Variants in GPR26 observed in about 807,000 individuals in gnomAD.
GPR26 encodes the protein G protein-coupled receptor 26.
In GPR26, 15 loss-of-function variants were observed where a neutral mutation model predicts 23.1. That is an observed-to-expected ratio of 0.65 (90% CI 0.43 to 1.00). The LOEUF is 1.00. GPR26 is among the 50% of genes least tolerant of loss of function. GPR26 has a pLI of 0.00. For synonymous variants in GPR26, 228 were observed against 222.1 expected (o/e 1.03, Z -0.24); for missense variants, 359 against 470.5 (o/e 0.76, Z 2.19).
chr10:123,687,903 T>C (rs965782120), intron 2 of GPR26, 26 bp from the exon 3 acceptor site: 2 of 1,511,870 alleles, frequency 1.3e-6, no homozygotes, highest in Non-Finnish European at 1.8e-6. Flanking sequence ...TATGTCCTCA[T>C]TAACAGCTTC....
intron 1 of GPR26, among the ~76,000 whole-genome samples, chr10:123,673,223 A>T (rs2133923516): frequency 6.6e-6 from 1 of 152,356 alleles, no homozygotes; most frequent in East Asian, 1.9e-4. Context: ...AGGAGGCTTC[A>T]GTCTAAACTA....
chr10:123,667,265 A>G (rs35783152), intron 1 of GPR26, among the ~76,000 whole-genome samples, 190 bp downstream of exon 1: 17 of 152,204 alleles, frequency 1.1e-4, no homozygotes, highest in African/African-American at 4.1e-4. Context: ...GCCACAAAAA[A>G]TGCGGGTGAG....
Position 123,675,046 on chromosome 10 carries a change from G to C in GPR26, c.782+115G>C. The C allele has an allele frequency of 1.1e-5, 7 of 655,286 alleles. No homozygotes were observed. In the South Asian group the frequency reaches 1.2e-4, roughly 12 times the overall value. The allele number at this position is 655,286 out of a possible 1,614,324, so 40.6% of individuals were successfully genotyped here. A position where few individuals can be genotyped will look rare whatever the true frequency, so the allele number is the denominator to read the frequency against. On this transcript the variant is annotated intron_variant, in intron 2 of 2. Coordinates refer to ENST00000284674, the MANE Select transcript of GPR26 (RefSeq NM_153442.4). ...CGTTCTTCTGCACGGTGTGTTGTGG[G>C]GGGCAAGAGTGAACTTGCCAGATTT...
Position 123,694,788 on chromosome 10 carries a change from G to A in GPR26, c.*6628G>A, listed in dbSNP as rs1845524913. Reference sequence around the variant, plus strand: ...GAAGAAGGAAGGAAGGAAGAAAGGAGAGAAAGGAGGAAGGAAAATGAATCT... The same window carrying A: ...GAAGAAGGAAGGAAGGAAGAAAGGAAAGAAAGGAGGAAGGAAAATGAATCT... On this transcript the variant is annotated 3_prime_UTR_variant, in exon 3 of 3. Transcript: ENST00000284674. Among the ~76,000 whole-genome samples the A allele has an allele frequency of 7.0e-6, 1 of 143,148 alleles. No homozygotes were observed. Among genetic ancestry groups the A allele is most frequent in the Admixed American group, 6.9e-5 (1 of 14,516 alleles). 93.9% of individuals were successfully genotyped at this position (143,148 alleles called of 152,430 possible).
Position 123,692,851 on chromosome 10 carries a change from T to C in GPR26, c.*4691T>C, listed in dbSNP as rs1401755443. 1.3e-5 allele frequency: 2 copies of C among 152,208 alleles called. No individual in the cohort carries two copies. Among genetic ancestry groups the C allele is most frequent in the South Asian group, 4.2e-4 (2 of 4,818 alleles). The allele number at this position is 152,208 out of a possible 1,614,324, so 9.4% of individuals were successfully genotyped here. Reference sequence around the variant, plus strand: ...CTCAAGGAGGGTGGACCAGTGACCATGGGGAAACTGAGTGTTTCTATTAAT... The same window carrying C: ...CTCAAGGAGGGTGGACCAGTGACCACGGGGAAACTGAGTGTTTCTATTAAT... On this transcript the variant is annotated 3_prime_UTR_variant, in exon 3 of 3. Transcript: ENST00000284674.
chr10:123,674,020 C>G lies in GPR26; in HGVS notation c.669-798C>G, dbSNP rs1039457334. Among the ~76,000 whole-genome samples the G allele has an allele frequency of 6.6e-6, 1 of 152,056 alleles. No homozygotes were observed. Among genetic ancestry groups the G allele is most frequent in the East Asian group, 1.9e-4 (1 of 5,200 alleles). Reference sequence around the variant, plus strand: ...TTGCCCAGGCTGAAGGGCAATGACACGGTCTCAGCTCACTGCAACCTCTGC... The same window carrying G: ...TTGCCCAGGCTGAAGGGCAATGACAGGGTCTCAGCTCACTGCAACCTCTGC... On this transcript the variant is annotated intron_variant, in intron 1 of 2. Transcript: ENST00000284674. This position sits in a 1 kb window ranked among gnomAD's most constrained non-coding sequence, Gnocchi z 4.1.
At chr10:123,668,920 C>T (rs1047812201) in intron 1 of GPR26, among the ~76,000 whole-genome samples, 2 of 152,208 alleles carry the variant, frequency 1.3e-5, no homozygotes, top group Non-Finnish European at 2.9e-5. Flanking sequence ...CCTGTTCAGC[C>T]TATTTGGGAT....
rs1380262732 is a variant in GPR26 at position 123,688,837 on chromosome 10, G to T, written c.*677G>T. On this transcript the variant is annotated 3_prime_UTR_variant, in exon 3 of 3. Transcript: ENST00000284674. ...TAGTCCTCTCCTTCCCCCTAAAAGCGAATGTTTGTGTGTGCAGACAATCTT... is the reference window on the plus strand; with the variant it reads ...TAGTCCTCTCCTTCCCCCTAAAAGCTAATGTTTGTGTGTGCAGACAATCTT... 1 of 153,014 alleles carries T rather than the reference G, an allele frequency of 6.5e-6. No homozygotes were observed. Among genetic ancestry groups the T allele is most frequent in the South Asian group, 2.1e-4 (1 of 4,850 alleles). The allele number at this position is 153,014 out of a possible 1,614,324, so 9.5% of individuals were successfully genotyped here.
At chr10:123,667,109 C>CCT in intron 1 of GPR26, 34 bp downstream of exon 1, 1 of 1,483,760 alleles carries the variant, frequency 6.7e-7, no homozygotes, top group Non-Finnish European at 9.1e-7. Context: ...CTGGGAACAG[C>CCT]CGCGCGGGAT....
At chr10:123,680,560 A>G (rs1280084012) in intron 2 of GPR26, among the ~76,000 whole-genome samples, 1 of 152,218 alleles carries the variant, frequency 6.6e-6, no homozygotes, top group Non-Finnish European at 1.5e-5. Context: ...TCTCCCTTGC[A>G]TGCAGCACCT....
intron 1 of GPR26, among the ~76,000 whole-genome samples, chr10:123,669,558 C>T (rs2133921581): frequency 6.6e-6 from 1 of 152,350 alleles, no homozygotes; most frequent in South Asian, 2.1e-4. Flanking sequence ...TCCCTCTGGA[C>T]AGCCAGGACA....
At chr10:123,686,830 T>A (rs535579253) in intron 2 of GPR26, among the ~76,000 whole-genome samples, 6 of 152,306 alleles carry the variant, frequency 3.9e-5, no homozygotes, top group African/African-American at 9.6e-5. Context: ...CTGTGTGATA[T>A]CTGGCAACCC....
Position 123,688,230 on chromosome 10 carries a change from C to G in GPR26, c.*70C>G. 1 of 882,894 alleles carries G rather than the reference C, an allele frequency of 1.1e-6. No individual in the cohort carries two copies. Among genetic ancestry groups the G allele is most frequent in the Non-Finnish European group, 1.8e-6 (1 of 553,374 alleles). 54.7% of individuals were successfully genotyped at this position (882,894 alleles called of 1,614,324 possible). On this transcript the variant is annotated 3_prime_UTR_variant, in exon 3 of 3. Transcript: ENST00000284674. ...GAAGAAGGGTGGGAGGGCGTGGGGG[C>G]CCCTGGGTGGACACCACCAGCCACC...
intron 2 of GPR26, among the ~76,000 whole-genome samples, chr10:123,677,184 A>T (rs71486675): frequency 0.027 from 4,028 of 150,408 alleles, 93 homozygotes; most frequent in Non-Finnish European, 0.043. Flanking sequence ...TTTTCCTTTT[A>T]AAAAAAAAAT....
rs539438735 is a variant in GPR26, at chr10:123,671,050, G to C, written c.669-3768G>C. ...TCCTGACCCCAAACTCAGGGCTGTT[G>C]CCCTCCATCAGTCGGCTTGTTCCCT... On this transcript the variant is annotated intron_variant, in intron 1 of 2. Transcript: ENST00000284674. 7.9e-5 allele frequency among the ~76,000 whole-genome samples: 12 copies of C among 152,246 alleles called. No individual in the cohort carries two copies. In the South Asian group the frequency reaches 2.5e-3, roughly 32 times the overall value.
rs182566406 is a variant in GPR26 at position 123,694,563 on chromosome 10, A to G, written c.*6403A>G. ...AAATAAGAAGAGAAGCAAGACAGAA[A>G]AGAAGGAAGAGAGAAGGAAGAATGG... On this transcript the variant is annotated 3_prime_UTR_variant, in exon 3 of 3. Transcript: ENST00000284674. 7 of 152,156 alleles carry G rather than the reference A, an allele frequency of 4.6e-5. No homozygotes were observed. The East Asian group carries it at 1.2e-3, about 25-fold the overall frequency. 9.4% of individuals were successfully genotyped at this position (152,156 alleles called of 1,614,324 possible).
In GPR26 at chr10:123,674,186, G is replaced by A. The variant is rs1219808; in HGVS notation, c.669-632G>A. Among the ~76,000 whole-genome samples, 104,392 of 151,906 alleles carry A rather than the reference G, an allele frequency of 0.69. 35,986 individuals are homozygous for A. Among genetic ancestry groups the A allele is most frequent in the East Asian group, 0.86 (4,439 of 5,144 alleles). ...TTGGCCAGGCTGGTCTCAAACTCCC[G>A]ACCTCAGGTGATCCACCCACTTCGG... On this transcript the variant is annotated intron_variant, in intron 1 of 2. Coordinates refer to ENST00000284674, the MANE Select transcript of GPR26 (RefSeq NM_153442.4). This position sits in a 1 kb window ranked among gnomAD's most constrained non-coding sequence, Gnocchi z 4.1.
At chr10:123,673,160 CTT>C (rs1035583845) in intron 1 of GPR26, among the ~76,000 whole-genome samples, 1 of 152,140 alleles carries the variant, frequency 6.6e-6, no homozygotes, top group Non-Finnish European at 1.5e-5. Context: ...GTTCTCAACT[CTT>C]TAAATTCCTG....
Position 123,680,838 on chromosome 10 carries a change from G to GGT in GPR26, c.782+5907_782+5908insGT, listed in dbSNP as rs1564732146. Reference sequence around the variant, plus strand: ...TTGTTTTGTTTTTTTGGGGGGGGGGGTTGTTTTTTTGTTTTTTTTGAGACA... The same window carrying GGT: ...TTGTTTTGTTTTTTTGGGGGGGGGGGGTTTGTTTTTTTGTTTTTTTTGAGACA... On this transcript the variant is annotated intron_variant, in intron 2 of 2. Transcript: ENST00000284674. 4.1e-3 allele frequency among the ~76,000 whole-genome samples: 387 copies of GGT among 95,252 alleles called. 15 individuals carry two copies. Among genetic ancestry groups the GGT allele is most frequent in the East Asian group, 0.027 (67 of 2,464 alleles). The allele number at this position is 95,252 out of a possible 152,430, so 62.5% of individuals were successfully genotyped here. A position where few individuals can be genotyped will look rare whatever the true frequency, so the allele number is the denominator to read the frequency against.
Sources: allele counts gnomAD v4.1 joint callset (sites outside exome capture counted in the v4.1 genomes callset), GRCh38; gene constraint gnomAD v4.1.1; non-coding constraint Gnocchi (gnomAD v3.1); transcripts MANE v1.5; gene names NCBI Gene and HGNC (gene_info 2026-07-23, HGNC 2026-07-21).